Variants in MAOB observed in about 807,000 individuals in gnomAD.
MAOB encodes amine oxidase [flavin-containing] B.
A neutral mutation model predicts 41.9 loss-of-function variants in MAOB; 15 were observed. The ratio of observed to expected loss-of-function variants is 0.36; its 90% CI spans 0.24 to 0.55. The LOEUF is 0.55. Among genes scored for constraint, MAOB ranks in the 20% least tolerant of loss-of-function variants. MAOB has a pLI of 0.86. For synonymous variants in MAOB, 167 were observed against 144.2 expected (o/e 1.16, Z -1.13); for missense variants, 345 against 398.7 (o/e 0.87, Z 1.15).
chrX:43,805,751 G>A (rs956250141), intron 3 of MAOB, among the ~76,000 whole-genome samples: 1 of 111,664 alleles, frequency 9.0e-6, no homozygotes, highest in Non-Finnish European at 1.9e-5. Context: ...AGGTCTTTTT[G>A]TGTACATATG....
intron 3 of MAOB, among the ~76,000 whole-genome samples, chrX:43,817,302 G>T (rs1027962813): frequency 1.3e-4 from 14 of 110,282 alleles, no homozygotes; most frequent in African/African-American, 4.6e-4. Context: ...CTGTAAAGCA[G>T]ATTGCCCGAA....
At chrX:43,842,521 A>G (rs1344185289) in intron 2 of MAOB, among the ~76,000 whole-genome samples, 1 of 112,480 alleles carries the variant, frequency 8.9e-6, no homozygotes, top group Non-Finnish European at 1.9e-5. Flanking sequence ...AAAACTAAAA[A>G]TGGAAAACTA....
intron 9 of MAOB, 61 bp downstream of exon 9, chrX:43,781,387 A>T (rs1464779438): frequency 1.5e-6 from 1 of 646,628 alleles, no homozygotes; most frequent in African/African-American, 2.3e-5. Context: ...ACATTTGTTA[A>T]TAGTATGTGA....
chrX:43,835,164 G>A (rs1163251709), intron 3 of MAOB, among the ~76,000 whole-genome samples: 1 of 112,461 alleles, frequency 8.9e-6, no homozygotes, highest in Non-Finnish European at 1.9e-5. Flanking sequence ...CAATGAAAGA[G>A]AAAGAAACAT....
At chrX:43,855,903 T>C (rs987278340) in intron 1 of MAOB, among the ~76,000 whole-genome samples, 5 of 111,508 alleles carry the variant, frequency 4.5e-5, no homozygotes, top group Non-Finnish European at 7.5e-5. Context: ...CCTGCTTTAG[T>C]CTACAGTCGG....
At chrX:43,782,867 G>T (rs963766542) in intron 8 of MAOB, among the ~76,000 whole-genome samples, 1 of 111,630 alleles carries the variant, frequency 9.0e-6, no homozygotes, top group African/African-American at 3.3e-5. Flanking sequence ...AATCCGTCAC[G>T]TAAACAGAAC....
rs186904498 is a variant in MAOB at position 43,865,234 on chromosome X, A to G, written c.46+17020T>C. On this transcript the variant is annotated intron_variant, in intron 1 of 14. Coordinates refer to ENST00000378069, the MANE Select transcript of MAOB (RefSeq NM_000898.5). The stretch of plus-strand genomic sequence containing the variant: ...ATTTGGCCTTAAAAAGGAATGAAAT[A>G]TTGATACATGCTACCACATGGATGA... 6.8e-4 allele frequency among the ~76,000 whole-genome samples: 76 copies of G among 112,560 alleles called. No individual in the cohort carries two copies. In the East Asian group the frequency reaches 0.013, roughly 19 times the overall value.
chrX:43,790,254 A>G (rs1193429836), intron 8 of MAOB, among the ~76,000 whole-genome samples: 1 of 112,438 alleles, frequency 8.9e-6, no homozygotes, highest in Non-Finnish European at 1.9e-5. Context: ...TTGTTATAAG[A>G]GTGAACTTCT....
rs1470130234 is a variant in MAOB, at chrX:43,882,315, C to T, written c.-16G>A. On this transcript the variant is annotated 5_prime_UTR_variant, in exon 1 of 15. Transcript: ENST00000378069. ...TGTTGCTCATGGCGCTCGCCCCGTT[C>T]CAGGCCTCCCTGGTGCCCGCTGCTC... 8.3e-7 allele frequency: 1 copy of T among 1,204,597 alleles called. No homozygotes were observed. The highest frequency in any genetic ancestry group is 3.0e-5 in the East Asian group (1 of 33,251).
intron 1 of MAOB, among the ~76,000 whole-genome samples, chrX:43,865,573 CAA>C (rs2035359418): frequency 9.0e-6 from 1 of 111,586 alleles, no homozygotes; most frequent in South Asian, 3.8e-4. Context: ...AATAATATCT[CAA>C]CAAAGCTATT....
intron 11 of MAOB, among the ~76,000 whole-genome samples, chrX:43,776,704 C>G (rs2034262534): frequency 1.8e-5 from 2 of 109,768 alleles, no homozygotes; most frequent in Middle Eastern, 4.6e-3. Flanking sequence ...TGGTGTGCTG[C>G]ACCCAGTAAC....
At chrX:43,775,737 T>C (rs2034247326) in intron 11 of MAOB, among the ~76,000 whole-genome samples, 1 of 111,799 alleles carries the variant, frequency 8.9e-6, no homozygotes, top group African/African-American at 3.3e-5. Context: ...ACAAACATGT[T>C]TTTGTGGCAG....
At chrX:43,791,575 G>A (rs1366603797) in intron 8 of MAOB, among the ~76,000 whole-genome samples, 1 of 111,088 alleles carries the variant, frequency 9.0e-6, no homozygotes, top group Non-Finnish European at 1.9e-5. Context: ...GGCTAACACG[G>A]TGAAACCCCA....
intron 1 of MAOB, among the ~76,000 whole-genome samples, chrX:43,870,347 T>C (rs1250854514): frequency 1.8e-5 from 2 of 111,854 alleles, no homozygotes; most frequent in South Asian, 3.8e-4. Context: ...TGGTAAGAGA[T>C]TGGGATTCCC....
At chrX:43,848,774 G>A (rs1602025094) in intron 1 of MAOB, among the ~76,000 whole-genome samples, 1 of 111,553 alleles carries the variant, frequency 9.0e-6, no homozygotes, top group Non-Finnish European at 1.9e-5. Flanking sequence ...GCCTGGTCTC[G>A]AACACCTGAC....
intron 3 of MAOB, among the ~76,000 whole-genome samples, chrX:43,832,553 CTCT>C (rs1311295610): frequency 8.9e-6 from 1 of 111,760 alleles, no homozygotes; most frequent in Non-Finnish European, 1.9e-5. Context: ...GATCCACCTC[CTCT>C]TAACGAATAG....
intron 1 of MAOB, among the ~76,000 whole-genome samples, chrX:43,870,827 AAAAAG>A (rs966749967): frequency 1.9e-5 from 2 of 107,775 alleles, no homozygotes; most frequent in Admixed American, 1.0e-4. Flanking sequence ...AAAGAGAAAG[AAAAAG>A]AAAAGAAAAG....
chrX:43,802,786 G>C (rs1448454133), intron 4 of MAOB, among the ~76,000 whole-genome samples: 1 of 109,702 alleles, frequency 9.1e-6, no homozygotes, highest in Non-Finnish European at 1.9e-5. Context: ...TCGGGGGTTG[G>C]GGGGCAAGGG....
At chrX:43,774,769 T>C (rs765170877) in intron 12 of MAOB, among the ~76,000 whole-genome samples, 1 of 112,112 alleles carries the variant, frequency 8.9e-6, no homozygotes, top group African/African-American at 3.2e-5. Flanking sequence ...GGTGAACCCT[T>C]GGACTACCTA....
Sources: allele counts gnomAD v4.1 joint callset (sites outside exome capture counted in the v4.1 genomes callset), GRCh38; gene constraint gnomAD v4.1.1; transcripts MANE v1.5; gene names NCBI Gene and HGNC (gene_info 2026-07-23, HGNC 2026-07-21).